BLOC1S5: variants seen among roughly 807,000 people sequenced by gnomAD.
BLOC1S5 encodes biogenesis of lysosomal organelles complex 1 subunit 5.
Under a neutral mutation model 24.3 loss-of-function variants are expected in BLOC1S5, and 27 were observed. The ratio of observed to expected loss-of-function variants is 1.11; its 90% CI spans 0.82 to 1.53. The LOEUF (loss-of-function observed/expected upper bound fraction) is 1.53, where lower values mean the gene tolerates loss of function less well. BLOC1S5 is among the 40% of genes most tolerant of loss of function. The pLI, the probability that BLOC1S5 is intolerant of heterozygous loss-of-function variation, is 0.00. For missense variants in BLOC1S5, 239 were observed against 229.4 expected (o/e 1.04, Z -0.27); for synonymous variants, 84 against 74.5 (o/e 1.13, Z -0.66).
intron 2 of BLOC1S5, among the ~76,000 whole-genome samples, chr6:8,051,725 C>T (rs1389979702): frequency 1.3e-5 from 2 of 152,076 alleles, no homozygotes; most frequent in Admixed American, 6.6e-5. Flanking sequence ...TCCAAAAATC[C>T]TAGGGTCATA....
intron 2 of BLOC1S5, among the ~76,000 whole-genome samples, chr6:8,059,792 T>C (rs1764452329): frequency 6.6e-6 from 1 of 152,244 alleles, no homozygotes; most frequent in Non-Finnish European, 1.5e-5. Flanking sequence ...GGTCACTGTG[T>C]GAAAAGACTG....
At chr6:8,044,579 G>T (rs965032274) in intron 2 of BLOC1S5, among the ~76,000 whole-genome samples, 31 of 152,272 alleles carry the variant, frequency 2.0e-4, no homozygotes, top group African/African-American at 7.5e-4. Flanking sequence ...GAAAGTTTGG[G>T]ACTTCCTAGA....
At chr6:8,027,626 G>C (rs1251817836) in intron 3 of BLOC1S5, among the ~76,000 whole-genome samples, 1 of 152,190 alleles carries the variant, frequency 6.6e-6, no homozygotes, top group Non-Finnish European at 1.5e-5. Context: ...CTGAAGTCAG[G>C]AGTTCGAGAC....
chr6:8,027,195 G>C (rs1463657654), intron 3 of BLOC1S5: 1 of 312,684 alleles, frequency 3.2e-6, no homozygotes, highest in Non-Finnish European at 6.4e-6. Context: ...GTTCATAAAT[G>C]TTCTTACTTA....
chr6:8,058,357 G>GAAAAAAAAAAAAAAAAA (rs60827828), intron 2 of BLOC1S5, among the ~76,000 whole-genome samples: 1 of 84,556 alleles, frequency 1.2e-5, no homozygotes, highest in African/African-American at 3.5e-5. Context: ...CTGTCTCTAT[G>GAAAAAAAAAAAAAAAAA]AAAAAAAAAA....
At chr6:8,050,158 G>A (rs572773490) in intron 2 of BLOC1S5, among the ~76,000 whole-genome samples, 2 of 152,180 alleles carry the variant, frequency 1.3e-5, no homozygotes, top group East Asian at 1.9e-4. Flanking sequence ...AGCTCACCTT[G>A]TGTCCCTTTG....
chr6:8,029,929 A>C (rs1763240871), intron 3 of BLOC1S5, among the ~76,000 whole-genome samples: 1 of 152,214 alleles, frequency 6.6e-6, no homozygotes, highest in Non-Finnish European at 1.5e-5. Flanking sequence ...GGGAATAAAT[A>C]ACTAATGCTT....
At chr6:8,052,548 G>C (rs1330315444) in intron 2 of BLOC1S5, among the ~76,000 whole-genome samples, 2 of 152,124 alleles carry the variant, frequency 1.3e-5, no homozygotes, top group African/African-American at 2.4e-5. Context: ...GACTTCAGCT[G>C]AGGAAGCCAT....
At chr6:8,046,257 C>G (rs2113575270) in intron 2 of BLOC1S5, among the ~76,000 whole-genome samples, 1 of 152,300 alleles carries the variant, frequency 6.6e-6, no homozygotes, top group African/African-American at 2.4e-5. Flanking sequence ...CTTTCGCCAG[C>G]CACCATGATT....
chr6:8,059,810 T>C (rs1198758752), intron 2 of BLOC1S5, among the ~76,000 whole-genome samples: 4 of 152,248 alleles, frequency 2.6e-5, no homozygotes, highest in Admixed American at 1.3e-4. Context: ...CTGGATCAAG[T>C]ACTTTTCAAG....
intron 4 of BLOC1S5, among the ~76,000 whole-genome samples, chr6:8,021,938 T>C (rs901717360): frequency 6.6e-6 from 1 of 152,094 alleles, no homozygotes; most frequent in African/African-American, 2.4e-5. Flanking sequence ...GTAAAATGTA[T>C]ACATTAAGTT....
chr6:8,027,251 T>G (rs1763139013), intron 3 of BLOC1S5: 1 of 441,102 alleles, frequency 2.3e-6, no homozygotes, highest in African/African-American at 2.0e-5. Context: ...AGAGTGAGCC[T>G]TAGTCAAATT....
chr6:8,058,952 G>T (rs1764424303), intron 2 of BLOC1S5, among the ~76,000 whole-genome samples: 1 of 152,180 alleles, frequency 6.6e-6, no homozygotes, highest in Non-Finnish European at 1.5e-5. Flanking sequence ...AGCATTGCAT[G>T]AATAAAGTTT....
intron 3 of BLOC1S5, among the ~76,000 whole-genome samples, chr6:8,028,415 T>C (rs1277676613): frequency 6.6e-6 from 1 of 151,934 alleles, no homozygotes; most frequent in Non-Finnish European, 1.5e-5. Context: ...CTGTGGCATA[T>C]TAACATGACA....
At chr6:8,056,285 A>G (rs1250142226) in intron 2 of BLOC1S5, among the ~76,000 whole-genome samples, 1 of 152,098 alleles carries the variant, frequency 6.6e-6, no homozygotes, top group Non-Finnish European at 1.5e-5. Flanking sequence ...GTTGTCTAGC[A>G]CTCAAGGCTC....
chr6:8,042,851 C>T (rs993315999), intron 2 of BLOC1S5, among the ~76,000 whole-genome samples: 2 of 152,124 alleles, frequency 1.3e-5, no homozygotes, highest in Non-Finnish European at 2.9e-5. Context: ...TTGACCAGCC[C>T]CCAATAAAAC....
intron 3 of BLOC1S5, among the ~76,000 whole-genome samples, chr6:8,039,606 G>T (rs1194447706): frequency 6.6e-6 from 1 of 150,480 alleles, no homozygotes; most frequent in Non-Finnish European, 1.5e-5. Flanking sequence ...TTTTTAAAAA[G>T]CTAAGTCAAT....
intron 2 of BLOC1S5, 44 bp from the exon 3 acceptor site, chr6:8,041,312 CT>C (rs55949249): frequency 0.019 from 20,536 of 1,074,804 alleles, no homozygotes; most frequent in Middle Eastern, 0.046. Flanking sequence ...GTGTCTTTTC[CT>C]TTTTTTTTTT....
chr6:8,048,476 CAAACTT>C (rs143170479), intron 2 of BLOC1S5, among the ~76,000 whole-genome samples: 216 of 151,684 alleles, frequency 1.4e-3, no homozygotes, highest in African/African-American at 4.7e-3. Flanking sequence ...TACTGATAGT[CAAACTT>C]AAATTAAAGA....
Sources: allele counts gnomAD v4.1 joint callset (sites outside exome capture counted in the v4.1 genomes callset), GRCh38; gene constraint gnomAD v4.1.1; transcripts MANE v1.5; gene names NCBI Gene and HGNC (gene_info 2026-07-23, HGNC 2026-07-21).